Variants in DNAAF1 observed in about 807,000 individuals in gnomAD.
The protein encoded by DNAAF1 is dynein axonemal assembly factor 1, also known as dynein assembly factor 1, axonemal.
In DNAAF1, 65 loss-of-function variants were observed where a neutral mutation model predicts 71.1. The ratio of observed to expected loss-of-function variants is 0.91; its 90% CI spans 0.75 to 1.12. DNAAF1 has a LOEUF of 1.12. Among genes scored for constraint, DNAAF1 ranks in the 50% most tolerant of loss-of-function variants. The pLI is 0.00. For synonymous variants in DNAAF1, 414 were observed against 354.6 expected (o/e 1.17, Z -1.88); for missense variants, 1,178 against 899.8 (o/e 1.31, Z -3.96).
intron 1 of DNAAF1, among the ~76,000 whole-genome samples, chr16:84,146,603 C>G (rs140254687): frequency 0.013 from 1,923 of 152,076 alleles, 36 homozygotes; most frequent in African/African-American, 0.041. Flanking sequence ...TGTAATTCCA[C>G]TTACTTGGGA....
At chr16:84,145,888 G>T (rs1400609715) in intron 1 of DNAAF1, among the ~76,000 whole-genome samples, 2 of 152,114 alleles carry the variant, frequency 1.3e-5, no homozygotes, top group African/African-American at 4.8e-5. Flanking sequence ...GGTCAGTCAG[G>T]AGTTCGAGAC....
intron 6 of DNAAF1, among the ~76,000 whole-genome samples, chr16:84,163,379 T>C (rs915699415): frequency 2.3e-5 from 3 of 127,832 alleles, no homozygotes; most frequent in African/African-American, 5.5e-5. Context: ...CTCTCTCTCT[T>C]TTTCTTTTTT....
chr16:84,177,806 G>A lies in DNAAF1; in HGVS notation c.2143G>A (p.Asp715Asn), dbSNP rs1334534849. 9.3e-6 allele frequency: 15 copies of A among 1,614,018 alleles called. No individual in the cohort carries two copies. The highest frequency in any genetic ancestry group is 1.3e-5 in the Non-Finnish European group (15 of 1,179,982). ...GCCCAGCCAAGCTCTGCCCACGTGG[G>A]ACCTCACTGCATTCCCAGCACCGAA... ...AQPSQALPTW[D>N]LTAFPAPKAS is the part of the protein sequence containing the mutation. The change falls in exon 12 of 12, where the codon GAC becomes AAC. Residue 715 changes from aspartate to asparagine, a missense_variant. Physicochemically the swap from Asp to Asn is conservative, Grantham distance 23. Transcript: ENST00000378553.
At chr16:84,160,779 A>T (rs904976900) in intron 6 of DNAAF1, among the ~76,000 whole-genome samples, 3 of 151,286 alleles carry the variant, frequency 2.0e-5, no homozygotes, top group African/African-American at 7.3e-5. Flanking sequence ...CTAAAAGTAC[A>T]CAAAAATTAG....
intron 2 of DNAAF1, among the ~76,000 whole-genome samples, chr16:84,149,618 G>C (rs2087086441): frequency 6.7e-6 from 1 of 150,112 alleles, no homozygotes; most frequent in South Asian, 2.1e-4. Context: ...TTGAACCCGG[G>C]AGGCGAAGGT....
At chr16:84,152,580 G>A (rs941461982) in intron 3 of DNAAF1, among the ~76,000 whole-genome samples, 3 of 150,694 alleles carry the variant, frequency 2.0e-5, no homozygotes, top group Admixed American at 6.6e-5. Flanking sequence ...AACCCAGGAG[G>A]CTGTTTGCAG....
chr16:84,172,684 A>C, intron 9 of DNAAF1: 1 of 1,230,830 alleles, frequency 8.1e-7, no homozygotes. Flanking sequence ...TTTGCCAAAG[A>C]AGCTATCTTG....
intron 1 of DNAAF1, among the ~76,000 whole-genome samples, chr16:84,148,559 T>G (rs188422883): frequency 1.9e-4 from 28 of 150,660 alleles, no homozygotes; most frequent in African/African-American, 6.1e-4. Flanking sequence ...CTTTAAAAAT[T>G]GTTACACATT....
At position 84,174,675 on chromosome 16, in the gene DNAAF1, C is replaced by T. The variant is rs2088560011; in HGVS notation, c.1651C>T (p.Pro551Ser). 1 of 1,614,034 alleles carries T rather than the reference C, an allele frequency of 6.2e-7. No individual in the cohort carries two copies. The highest frequency in any genetic ancestry group is 8.5e-7 in the Non-Finnish European group (1 of 1,180,028). ...TKETFCIDDL[P>S]DLEDDDETGK... ...GGCTCACTTGCTCTTTCAGGACCTACCTGACTTGGAAGATGATGATGAAAC... is the reference window on the plus strand; with the variant it reads ...GGCTCACTTGCTCTTTCAGGACCTATCTGACTTGGAAGATGATGATGAAAC... The change falls in exon 10 of 12, where the codon CCT becomes TCT. Residue 551 changes from proline to serine, a missense_variant. Coordinates refer to ENST00000378553, the MANE Select transcript of DNAAF1 (RefSeq NM_178452.6).
intron 6 of DNAAF1, among the ~76,000 whole-genome samples, chr16:84,164,080 C>T (rs2087849840): frequency 6.6e-6 from 1 of 152,216 alleles, no homozygotes; most frequent in Admixed American, 6.5e-5. Context: ...GCTGAGATTA[C>T]AGGCATGAGC....
intron 10 of DNAAF1, 48 bp from the exon 11 acceptor site, chr16:84,175,885 T>C: frequency 6.2e-7 from 1 of 1,606,958 alleles, no homozygotes; most frequent in Non-Finnish European, 8.5e-7. Context: ...GTAGAGCGAT[T>C]CTGTTGTGAA....
In DNAAF1 at chr16:84,174,696, G is replaced by C. The variant is rs778217102; in HGVS notation, c.1672G>C (p.Glu558Gln). 6.2e-7 allele frequency: 1 copy of C among 1,614,188 alleles called. No homozygotes were observed. Among genetic ancestry groups the C allele is most frequent in the Non-Finnish European group, 8.5e-7 (1 of 1,180,028 alleles). Residue 558 changes from glutamate to glutamine, a missense_variant, in exon 10 of 12, where the codon GAA (glutamate) becomes CAA (glutamine). Physicochemically the swap from Glu to Gln is conservative, Grantham distance 29 (BLOSUM62 2). Coordinates refer to ENST00000378553, the MANE Select transcript of DNAAF1 (RefSeq NM_178452.6). ...DDLPDLEDDD[E>Q]TGKSLEDQNM... is the part of the protein sequence containing the mutation. The stretch of plus-strand genomic sequence containing the variant: ...CCTACCTGACTTGGAAGATGATGAT[G>C]AAACAGGCAAATCTCTGGAAGACCA...
At position 84,172,270 on chromosome 16, in the gene DNAAF1, C is replaced by G; in HGVS notation, c.1539C>G (p.Pro513=). 6.2e-7 allele frequency: 1 copy of G among 1,614,074 alleles called. No individual in the cohort carries two copies. The highest frequency in any genetic ancestry group is 1.1e-5 in the South Asian group (1 of 91,050). The part of the protein sequence containing the change: ...PLGAAREEPT[P]QAVATEGVFV... Reference sequence around the variant, plus strand: ...GTTGTTGCTCTTTAGAACCGACTCCCCAGGCTGTGGCCACTGAGGGTGTAT... The same window carrying G: ...GTTGTTGCTCTTTAGAACCGACTCCGCAGGCTGTGGCCACTGAGGGTGTAT... The change falls in exon 9 of 12, where the codon CCC becomes CCG. Residue 513 remains proline (P), a synonymous_variant. Transcript: ENST00000378553.
At position 84,145,366 on chromosome 16, in the gene DNAAF1, C is replaced by G; in HGVS notation, c.-75C>G. The G allele has an allele frequency of 6.5e-7, 1 of 1,546,066 alleles. No individual in the cohort carries two copies. Among genetic ancestry groups the G allele is most frequent in the South Asian group, 1.2e-5 (1 of 84,128 alleles). ...GGAAAGAGGGTACTCTCTGGCTGGG[C>G]TGGGGCCGTAGCGACGTCCGCCGCG... On this transcript the variant is annotated 5_prime_UTR_variant, in exon 1 of 12. Coordinates refer to ENST00000378553, the MANE Select transcript of DNAAF1 (RefSeq NM_178452.6).
rs185344622 is a variant in DNAAF1, at chr16:84,160,673, G to A, written c.863+877G>A. On this transcript the variant is annotated intron_variant, in intron 6 of 11. Coordinates refer to ENST00000378553, the MANE Select transcript of DNAAF1 (RefSeq NM_178452.6). The stretch of plus-strand genomic sequence containing the variant: ...ACCAGGGCCGGGCGTGGTGGCTCAT[G>A]TCTGTAATCCCAGCACTTTGGGAGG... Among the ~76,000 whole-genome samples the A allele has an allele frequency of 9.2e-3, 1,408 of 152,286 alleles. 13 individuals carry two copies. The highest frequency in any genetic ancestry group is 0.032 in the South Asian group (152 of 4,822).
At chr16:84,168,153 G>A (rs568891107) in intron 7 of DNAAF1, among the ~76,000 whole-genome samples, 4 of 152,270 alleles carry the variant, frequency 2.6e-5, no homozygotes, top group South Asian at 2.1e-4. Flanking sequence ...GGGAGAACCC[G>A]CTTCCTTGCC....
intron 8 of DNAAF1, 79 bp from the exon 9 acceptor site, chr16:84,172,181 G>C: frequency 7.2e-7 from 1 of 1,385,412 alleles, no homozygotes; most frequent in Non-Finnish European, 1.0e-6. Context: ...CCGGCCCTTG[G>C]GAGCCCATCT....
intron 11 of DNAAF1, chr16:84,177,482 C>T: frequency 2.3e-6 from 1 of 426,900 alleles, no homozygotes; most frequent in East Asian, 5.3e-5. Context: ...GGGCCTGCCA[C>T]CACGCCCAGC....
chr16:84,148,680 C>A (rs2087041626), intron 1 of DNAAF1, among the ~76,000 whole-genome samples: 1 of 141,894 alleles, frequency 7.0e-6, no homozygotes, highest in African/African-American at 2.6e-5. Context: ...CTCACTGCAG[C>A]CTTGACTTCC....
Sources: gnomAD v4.1 joint callset for allele counts (sites outside exome capture counted in the v4.1 genomes callset) on GRCh38, gnomAD v4.1.1 for gene constraint, MANE v1.5 for transcripts, NCBI Gene and HGNC (gene_info 2026-07-23, HGNC 2026-07-21) for gene names.